NIPAL3: variants seen among roughly 807,000 people sequenced by gnomAD.
NIPAL3 encodes NIPA like domain containing 3, also known as NIPA-like protein 3.
In NIPAL3, 41 loss-of-function variants were observed where a neutral mutation model predicts 47.2. That is an observed-to-expected ratio of 0.87 (90% CI 0.68 to 1.13). The LOEUF (loss-of-function observed/expected upper bound fraction) is 1.13. NIPAL3 is among the 50% of genes most tolerant of loss of function. The pLI is 0.00. For synonymous variants in NIPAL3, 194 were observed against 209.6 expected, an observed-to-expected ratio of 0.93 and a Z score of 0.64; for missense variants, 449 against 530.1, an observed-to-expected ratio of 0.85 and a Z score of 1.50.
intron 2 of NIPAL3, among the ~76,000 whole-genome samples, chr1:24,423,574 G>A (rs1021508799): frequency 6.6e-6 from 1 of 152,108 alleles, no homozygotes; most frequent in African/African-American, 2.4e-5. Context: ...AGCTTGCAGT[G>A]AGCCGAGATC....
At chr1:24,464,268 G>A in intron 11 of NIPAL3, 148 bp downstream of exon 11, 1 of 593,330 alleles carries the variant, frequency 1.7e-6, no homozygotes, top group African/African-American at 1.9e-5. Flanking sequence ...TTAATTTTGT[G>A]CAAAAGGGTA....
At chr1:24,456,475 G>A (rs998984387) in intron 8 of NIPAL3, among the ~76,000 whole-genome samples, 5 of 152,194 alleles carry the variant, frequency 3.3e-5, no homozygotes, top group Non-Finnish European at 1.5e-5. Context: ...GCCAGGCCAG[G>A]CTCAGTGACC....
intron 11 of NIPAL3, chr1:24,465,873 A>G (rs1428459220): frequency 2.3e-5 from 31 of 1,351,738 alleles, no homozygotes; most frequent in Non-Finnish European, 2.7e-5. Flanking sequence ...AGTTTCACAC[A>G]CTTGTTTGAC....
chr1:24,452,853 A>ATTTTTTTTTTTTTTT (rs3054551), intron 6 of NIPAL3, among the ~76,000 whole-genome samples: 10 of 124,184 alleles, frequency 8.1e-5, no homozygotes, highest in Non-Finnish European at 1.1e-4. Flanking sequence ...CGCCCAGCTA[A>ATTTTTTTTTTTTTTT]TTTTTTTTTT....
At chr1:24,430,505 C>T (rs1644830896) in intron 2 of NIPAL3, among the ~76,000 whole-genome samples, 1 of 152,188 alleles carries the variant, frequency 6.6e-6, no homozygotes, top group African/African-American at 2.4e-5. Context: ...CCGCCTTGGC[C>T]TCCCAAAGTG....
At chr1:24,442,280 G>A in intron 4 of NIPAL3, 54 bp downstream of exon 4, 2 of 1,583,758 alleles carry the variant, frequency 1.3e-6, no homozygotes, top group Non-Finnish European at 1.7e-6. Context: ...TGCGTGACCA[G>A]AGTGCCAGCG....
rs1646452924 is a variant in NIPAL3, at chr1:24,461,203, G to T, written c.926+659G>T. ...CTGCCATTTTGAAAACTTGAGGCCA[G>T]TCTGTAGGTGCTGACACAGATCCAT... On this transcript the variant is annotated intron_variant, in intron 10 of 11. Coordinates refer to ENST00000374399, the MANE Select transcript of NIPAL3 (RefSeq NM_020448.5). Among the ~76,000 whole-genome samples the T allele has an allele frequency of 2.0e-5, 3 of 152,276 alleles. No homozygotes were observed. The South Asian group carries it at 6.2e-4, about 32-fold the overall frequency.
In NIPAL3 at chr1:24,449,741, C is replaced by A; in HGVS notation, c.540+115C>A. ...ATTCCGTGAGTTGCGGCACATTTTA[C>A]CAGCATGAAAGACCGTGCTTCTGGA... On this transcript the variant is annotated intron_variant, in intron 6 of 11. Coordinates refer to ENST00000374399, the MANE Select transcript of NIPAL3 (RefSeq NM_020448.5). The surrounding 1 kb of genome is among the most constrained non-coding windows in gnomAD (Gnocchi z 4.5). 1 of 1,165,680 alleles carries A rather than the reference C, an allele frequency of 8.6e-7. No individual in the cohort carries two copies. The highest frequency in any genetic ancestry group is 1.2e-6 in the Non-Finnish European group (1 of 838,190). 72.2% of individuals were successfully genotyped at this position (1,165,680 alleles called of 1,614,324 possible).
chr1:24,458,123 A>C (rs796514661), intron 8 of NIPAL3, among the ~76,000 whole-genome samples: 1 of 152,210 alleles, frequency 6.6e-6, no homozygotes, highest in South Asian at 2.1e-4. Flanking sequence ...GGGGACAGCC[A>C]GTGAAGAAAC....
chr1:24,439,000 GT>G, intron 2 of NIPAL3, among the ~76,000 whole-genome samples: 1 of 151,638 alleles, frequency 6.6e-6, no homozygotes, highest in East Asian at 1.9e-4. Flanking sequence ...TCACAGCATT[GT>G]TTTTTTAAAA....
At chr1:24,457,978 C>G in intron 8 of NIPAL3, 2 of 387,816 alleles carry the variant, frequency 5.2e-6, no homozygotes, top group Non-Finnish European at 1.0e-5. Flanking sequence ...GTGTCACAAA[C>G]ATGGCTCAGA....
chr1:24,434,042 A>G (rs575047780), intron 2 of NIPAL3, among the ~76,000 whole-genome samples: 53 of 152,216 alleles, frequency 3.5e-4, no homozygotes, highest in African/African-American at 1.2e-3. Flanking sequence ...GGAATTGAGG[A>G]AAAAAAGAGA....
intron 11 of NIPAL3, chr1:24,466,280 G>A: frequency 4.6e-6 from 2 of 433,616 alleles, no homozygotes; most frequent in South Asian, 5.7e-5. Context: ...AGGTGGAATG[G>A]GAAGAAAAGG....
At chr1:24,441,004 C>T (rs886715282) in intron 3 of NIPAL3, among the ~76,000 whole-genome samples, 4 of 152,200 alleles carry the variant, frequency 2.6e-5, no homozygotes, top group Admixed American at 6.5e-5. Flanking sequence ...TTCCCTTACT[C>T]GTGCTCCCTG....
chr1:24,443,271 G>C (rs1309576680), intron 4 of NIPAL3, among the ~76,000 whole-genome samples: 2 of 152,190 alleles, frequency 1.3e-5, no homozygotes, highest in Non-Finnish European at 2.9e-5. Flanking sequence ...TAGTAGATTA[G>C]TGAACAATAG....
At chr1:24,437,356 A>T (rs1305080108) in intron 2 of NIPAL3, among the ~76,000 whole-genome samples, 1 of 152,230 alleles carries the variant, frequency 6.6e-6, no homozygotes, top group Non-Finnish European at 1.5e-5. Context: ...CTAAATTTGA[A>T]TAACATATTT....
chr1:24,454,678 C>A lies in NIPAL3; in HGVS notation c.637+1174C>A. ...CTAATCTAATTTTAGAACATTTTGTCACCCCCAAAAGAAACCCTGTGCCCA... is the reference window on the plus strand; with the variant it reads ...CTAATCTAATTTTAGAACATTTTGTAACCCCCAAAAGAAACCCTGTGCCCA... On this transcript the variant is annotated intron_variant, in intron 7 of 11. Transcript: ENST00000374399. This position sits in a 1 kb window ranked among gnomAD's most constrained non-coding sequence, Gnocchi z 4.1. The A allele has an allele frequency of 1.8e-6, 1 of 545,012 alleles. No homozygotes were observed. The highest frequency in any genetic ancestry group is 2.3e-6 in the Non-Finnish European group (1 of 427,848). 33.8% of individuals were successfully genotyped at this position (545,012 alleles called of 1,614,324 possible). A position where few individuals can be genotyped will look rare whatever the true frequency, so the allele number is the denominator to read the frequency against.
At chr1:24,466,193 G>A (rs532303280) in intron 11 of NIPAL3, 5 of 1,150,528 alleles carry the variant, frequency 4.3e-6, no homozygotes, top group East Asian at 5.2e-5. Flanking sequence ...GCCCTTTCCT[G>A]TGGAACAGAA....
intron 11 of NIPAL3, among the ~76,000 whole-genome samples, chr1:24,468,023 T>C (rs1212842403): frequency 6.6e-6 from 1 of 151,764 alleles, no homozygotes; most frequent in African/African-American, 2.4e-5. Context: ...TCAAAAGTAA[T>C]CGGCCTGGCG....
Sources: allele counts gnomAD v4.1 joint callset (sites outside exome capture counted in the v4.1 genomes callset), GRCh38; gene constraint gnomAD v4.1.1; non-coding constraint Gnocchi (gnomAD v3.1); transcripts MANE v1.5; gene names NCBI Gene and HGNC (gene_info 2026-07-23, HGNC 2026-07-21).